PRKN: variants seen among roughly 807,000 people sequenced by gnomAD.
The protein encoded by PRKN is E3 ubiquitin-protein ligase parkin.
Under a neutral mutation model 59.5 loss-of-function variants are expected in PRKN, and 56 were observed. The observed-to-expected ratio is 0.94, with a 90% CI of 0.76 to 1.18. The LOEUF (loss-of-function observed/expected upper bound fraction) is 1.18. Ranked by LOEUF, PRKN falls within the 50% of genes most tolerant of loss-of-function variation. The pLI is 0.00. For synonymous variants in PRKN, 250 were observed against 222.1 expected (o/e 1.13, Z -1.12); for missense variants, 657 against 596.4 (o/e 1.10, Z -1.06).
At position 162,721,063 on chromosome 6, in the gene PRKN, T is replaced by C. The variant is rs376575470; in HGVS notation, c.7+6599A>G. On this transcript the variant is annotated intron_variant, in intron 1 of 11. Coordinates refer to ENST00000366898, the MANE Select transcript of PRKN (RefSeq NM_004562.3). The stretch of plus-strand genomic sequence containing the variant: ...AAATATGGCCTTTAATCAGAGATGA[T>C]GTAATGACATATCAAATCAATGTCA... Among the ~76,000 whole-genome samples, 103 of 152,372 alleles carry C rather than the reference T, an allele frequency of 6.8e-4. No homozygotes were observed. The East Asian group carries it at 9.8e-3, about 15-fold the overall frequency.
rs575557444 is a variant in PRKN at position 162,146,512 on chromosome 6, A to T, written c.534+54619T>A. ...ATATATACACATTATATATATATAA[A>T]TTTTTTTTTTCTGAGACCGTCTTGC... On this transcript the variant is annotated intron_variant, in intron 4 of 11. Transcript: ENST00000366898. Among the ~76,000 whole-genome samples, 15 of 149,438 alleles carry T rather than the reference A, an allele frequency of 1.0e-4. No individual in the cohort carries two copies. The East Asian group carries it at 2.7e-3, about 27-fold the overall frequency.
At chr6:161,524,973 C>A (rs1424069700) in intron 9 of PRKN, among the ~76,000 whole-genome samples, 1 of 152,066 alleles carries the variant, frequency 6.6e-6, no homozygotes, top group African/African-American at 2.4e-5. Flanking sequence ...ATTCTGCAGC[C>A]TGGTTTTAAA....
chr6:162,365,220 G>A (rs1213198278), intron 2 of PRKN, among the ~76,000 whole-genome samples: 1 of 151,902 alleles, frequency 6.6e-6, no homozygotes, highest in South Asian at 2.1e-4. Flanking sequence ...CTTTATCTGT[G>A]TGTATATGTA....
chr6:162,225,011 C>T (rs1778105545), intron 3 of PRKN, among the ~76,000 whole-genome samples: 1 of 152,076 alleles, frequency 6.6e-6, no homozygotes, highest in Admixed American at 6.6e-5. Flanking sequence ...ATACCTGAGA[C>T]TGGGTAATTT....
chr6:161,875,073 TAA>T (rs1466355822), intron 6 of PRKN, among the ~76,000 whole-genome samples: 1 of 114,952 alleles, frequency 8.7e-6, no homozygotes, highest in African/African-American at 3.8e-5. Flanking sequence ...ACATTATATA[TAA>T]AGTATATATG....
At chr6:161,749,765 G>A (rs796093001) in intron 7 of PRKN, among the ~76,000 whole-genome samples, 21 of 152,146 alleles carry the variant, frequency 1.4e-4, no homozygotes, top group African/African-American at 3.9e-4. Flanking sequence ...CTCCCCTGGC[G>A]AGGCTCTGTC....
intron 1 of PRKN, among the ~76,000 whole-genome samples, chr6:162,515,007 A>G (rs1441154591): frequency 6.6e-6 from 1 of 152,116 alleles, no homozygotes; most frequent in Non-Finnish European, 1.5e-5. Flanking sequence ...CTAGACAACT[A>G]GAGACTCTCC....
intron 6 of PRKN, among the ~76,000 whole-genome samples, chr6:161,914,786 A>G (rs190173795): frequency 1.3e-5 from 2 of 151,874 alleles, no homozygotes; most frequent in East Asian, 2.0e-4. Context: ...GGCAAGCGAT[A>G]CTCATGACCA....
At chr6:161,732,474 GTT>G (rs754841390) in intron 7 of PRKN, among the ~76,000 whole-genome samples, 35 of 149,546 alleles carry the variant, frequency 2.3e-4, no homozygotes, top group Admixed American at 1.3e-3. Flanking sequence ...TTCTTCAGAG[GTT>G]TTTTTTTTTT....
intron 2 of PRKN, among the ~76,000 whole-genome samples, chr6:162,371,955 A>G (rs777627640): frequency 1.3e-5 from 2 of 152,132 alleles, no homozygotes; most frequent in Non-Finnish European, 2.9e-5. Context: ...TGATTGGCAG[A>G]TTATTTTGCT....
At chr6:162,136,608 C>T (rs946934002) in intron 4 of PRKN, among the ~76,000 whole-genome samples, 1 of 152,116 alleles carries the variant, frequency 6.6e-6, no homozygotes, top group Non-Finnish European at 1.5e-5. Context: ...GGGTCTATGC[C>T]TCCTTGGATT....
At chr6:161,655,624 T>C (rs17576146) in intron 7 of PRKN, among the ~76,000 whole-genome samples, 1 of 152,020 alleles carries the variant, frequency 6.6e-6, no homozygotes, top group African/African-American at 2.4e-5. Flanking sequence ...CTGTGAACAA[T>C]GTCCACAATA....
At chr6:162,410,254 C>G (rs1788285581) in intron 2 of PRKN, among the ~76,000 whole-genome samples, 1 of 152,014 alleles carries the variant, frequency 6.6e-6, no homozygotes, top group South Asian at 2.1e-4. Flanking sequence ...TGCTCTGGCC[C>G]CCAGGAAGTA....
At chr6:161,556,254 G>A (rs755178686) in intron 8 of PRKN, among the ~76,000 whole-genome samples, 3 of 152,032 alleles carry the variant, frequency 2.0e-5, no homozygotes, top group Non-Finnish European at 2.9e-5. Flanking sequence ...TTTTTCAAAG[G>A]AAGACAAATA....
Position 161,579,849 on chromosome 6 carries a change from C to T in PRKN, c.872-10433G>A, listed in dbSNP as rs191131295. ...TTCATTTCAGTACTTTCCCTTGTCA[C>T]TTTAGTTCTGTGCATTTGGTTTCTT... On this transcript the variant is annotated intron_variant, in intron 7 of 11. Coordinates refer to ENST00000366898, the MANE Select transcript of PRKN (RefSeq NM_004562.3). The surrounding 1 kb of genome is among the most constrained non-coding windows in gnomAD (Gnocchi z 4.2). Among the ~76,000 whole-genome samples the T allele has an allele frequency of 3.3e-3, 495 of 152,246 alleles. 1 individual carries two copies. The highest frequency in any genetic ancestry group is 5.4e-3 in the Non-Finnish European group (368 of 68,018).
chr6:161,881,791 G>C (rs1310423336), intron 6 of PRKN, among the ~76,000 whole-genome samples: 1 of 152,204 alleles, frequency 6.6e-6, no homozygotes, highest in Non-Finnish European at 1.5e-5. Flanking sequence ...AAGGGCAACT[G>C]AAAACGGACA....
chr6:161,910,530 C>T (rs566824767), intron 6 of PRKN, among the ~76,000 whole-genome samples: 47 of 152,168 alleles, frequency 3.1e-4, no homozygotes, highest in Non-Finnish European at 6.2e-4. Flanking sequence ...GCTGGGATTA[C>T]AGGCATGAGC....
intron 6 of PRKN, among the ~76,000 whole-genome samples, chr6:161,887,384 C>T (rs138918508): frequency 6.6e-6 from 1 of 152,120 alleles, no homozygotes; most frequent in Non-Finnish European, 1.5e-5. Context: ...TAAAAACAAA[C>T]CTTCAACAAT....
intron 6 of PRKN, among the ~76,000 whole-genome samples, chr6:161,902,900 C>T (rs940526487): frequency 2.0e-5 from 3 of 152,088 alleles, no homozygotes; most frequent in Admixed American, 2.0e-4. Flanking sequence ...TAAGGCACAG[C>T]GTTAGGGAAA....
Sources: gnomAD v4.1 joint callset for allele counts (sites outside exome capture counted in the v4.1 genomes callset) on GRCh38, gnomAD v4.1.1 for gene constraint, Gnocchi (gnomAD v3.1) non-coding constraint, MANE v1.5 for transcripts, NCBI Gene and HGNC (gene_info 2026-07-23, HGNC 2026-07-21) for gene names.